The following NRXN3 variants were observed in gnomAD, a reference collection of about 807,000 sequenced individuals.
The protein encoded by NRXN3 is neurexin III.
In NRXN3, 32 loss-of-function variants were observed where a neutral mutation model predicts 137.6. The ratio of observed to expected loss-of-function variants is 0.23; its 90% CI spans 0.18 to 0.31. The LOEUF is 0.31. Among genes scored for constraint, NRXN3 ranks in the 10% least tolerant of loss-of-function variants. The pLI is 1.00. For synonymous variants in NRXN3, 798 were observed against 784.5 expected, an observed-to-expected ratio of 1.02 and a Z score of -0.29; for missense variants, 1,574 against 2,062.5, an observed-to-expected ratio of 0.76 and a Z score of 4.59.
chr14:79,422,595 T>A (rs906062754), intron 15 of NRXN3, among the ~76,000 whole-genome samples: 3 of 152,078 alleles, frequency 2.0e-5, no homozygotes, highest in Non-Finnish European at 4.4e-5. Context: ...GAAATAGATT[T>A]AGAAAGGTCA....
intron 15 of NRXN3, among the ~76,000 whole-genome samples, chr14:79,445,354 GAAAGAAAA>G (rs1300951504): frequency 6.6e-6 from 1 of 150,440 alleles, no homozygotes; most frequent in Non-Finnish European, 1.5e-5. Flanking sequence ...AAAAAAGAAA[GAAAGAAAA>G]AAAGAAAAAA....
chr14:78,859,017 T>G (rs936458805), intron 10 of NRXN3, among the ~76,000 whole-genome samples: 5 of 152,148 alleles, frequency 3.3e-5, no homozygotes, highest in Admixed American at 2.6e-4. Flanking sequence ...CTGTTATCCC[T>G]ATGTGTCAAG....
chr14:78,506,154 A>G lies in NRXN3; in HGVS notation c.758-138966A>G, dbSNP rs2095985953. Among the ~76,000 whole-genome samples the G allele has an allele frequency of 2.6e-5, 4 of 152,214 alleles. No individual in the cohort carries two copies. In the South Asian group the frequency reaches 8.3e-4, roughly 32 times the overall value. On this transcript the variant is annotated intron_variant, in intron 4 of 20. Coordinates refer to ENST00000335750, the MANE Select transcript of NRXN3 (RefSeq NM_001330195.2). ...CTCCCCTCCAGTCCCTGGAACTAACATTACACTCTCTGCTTCTATGAGTTT... is the reference window on the plus strand; with the variant it reads ...CTCCCCTCCAGTCCCTGGAACTAACGTTACACTCTCTGCTTCTATGAGTTT...
chr14:79,458,924 C>T (rs2096290476), intron 15 of NRXN3, among the ~76,000 whole-genome samples: 2 of 152,064 alleles, frequency 1.3e-5, no homozygotes, highest in African/African-American at 4.8e-5. Flanking sequence ...AAATGAGTAC[C>T]TCTATACTGC....
At chr14:78,171,143 C>G (rs1271613699) in intron 1 of NRXN3, among the ~76,000 whole-genome samples, 1 of 149,886 alleles carries the variant, frequency 6.7e-6, no homozygotes, top group African/African-American at 2.5e-5. Context: ...CTGAGGATCA[C>G]AAGAAAACAA....
At chr14:78,538,410 A>T (rs1039840896) in intron 4 of NRXN3, among the ~76,000 whole-genome samples, 2 of 151,916 alleles carry the variant, frequency 1.3e-5, no homozygotes, top group African/African-American at 4.8e-5. Flanking sequence ...TTTGGCTCTC[A>T]GTTTGTCTGT....
At chr14:79,775,673 G>A (rs1377562852) in intron 19 of NRXN3, among the ~76,000 whole-genome samples, 2 of 152,118 alleles carry the variant, frequency 1.3e-5, no homozygotes, top group Admixed American at 6.6e-5. Context: ...TAGGTCAGAA[G>A]TGGGGAGCAG....
chr14:79,117,135 A>T (rs899168019), intron 15 of NRXN3, among the ~76,000 whole-genome samples: 8 of 152,258 alleles, frequency 5.3e-5, no homozygotes, highest in African/African-American at 1.4e-4. Context: ...CTTGTCCTAC[A>T]GCTTACATTC....
At chr14:79,425,924 G>A (rs953297424) in intron 15 of NRXN3, among the ~76,000 whole-genome samples, 2 of 152,036 alleles carry the variant, frequency 1.3e-5, no homozygotes, top group African/African-American at 4.8e-5. Flanking sequence ...TGTATGTTCT[G>A]TAGAGGAAGA....
At chr14:79,691,630 C>T (rs1188775200) in intron 17 of NRXN3, among the ~76,000 whole-genome samples, 4 of 152,016 alleles carry the variant, frequency 2.6e-5, no homozygotes, top group South Asian at 4.1e-4. Context: ...TCTCCCTTGG[C>T]CATCAAGGCT....
chr14:78,385,037 T>C (rs1458275803), intron 4 of NRXN3, among the ~76,000 whole-genome samples: 1 of 152,334 alleles, frequency 6.6e-6, no homozygotes, highest in Non-Finnish European at 1.5e-5. Context: ...TATTAGTTAA[T>C]GGTTGTCCCA....
intron 7 of NRXN3, among the ~76,000 whole-genome samples, chr14:78,711,281 C>G (rs1038904387): frequency 6.6e-6 from 1 of 151,792 alleles, no homozygotes; most frequent in Non-Finnish European, 1.5e-5. Context: ...CTGTCTGTTC[C>G]TAATACAAAT....
At position 79,394,478 on chromosome 14, in the gene NRXN3, G is replaced by A. The variant is rs2094954977; in HGVS notation, c.3263-72743G>A. Among the ~76,000 whole-genome samples the A allele has an allele frequency of 3.9e-5, 6 of 152,104 alleles. No individual in the cohort carries two copies. The South Asian group carries it at 1.2e-3, about 32-fold the overall frequency. ...ATGGTAGACTAGCGTTTTTACTCAG[G>A]CAGTCTCAAGATAACATTTGTTGAG... On this transcript the variant is annotated intron_variant, in intron 15 of 20. Coordinates refer to ENST00000335750, the MANE Select transcript of NRXN3 (RefSeq NM_001330195.2).
At chr14:78,401,285 C>T (rs1314671992) in intron 4 of NRXN3, among the ~76,000 whole-genome samples, 1 of 152,152 alleles carries the variant, frequency 6.6e-6, no homozygotes, top group Non-Finnish European at 1.5e-5. Flanking sequence ...CTGCCTCAGC[C>T]TCCTGAGTAG....
At chr14:79,049,778 A>G (rs997547241) in intron 15 of NRXN3, among the ~76,000 whole-genome samples, 1 of 152,128 alleles carries the variant, frequency 6.6e-6, no homozygotes, top group African/African-American at 2.4e-5. Context: ...GATGAAATGA[A>G]GTGCAATAAG....
At chr14:78,694,662 T>G (rs1046202261) in intron 6 of NRXN3, among the ~76,000 whole-genome samples, 1 of 151,972 alleles carries the variant, frequency 6.6e-6, no homozygotes, top group Non-Finnish European at 1.5e-5. Context: ...CGATGAAGCT[T>G]GGGGTCAAAA....
intron 4 of NRXN3, among the ~76,000 whole-genome samples, chr14:78,356,608 C>G (rs1310706419): frequency 2.6e-5 from 4 of 152,208 alleles, no homozygotes; most frequent in African/African-American, 7.2e-5. Context: ...GGAAACCATT[C>G]CAGGCAGCCG....
intron 15 of NRXN3, among the ~76,000 whole-genome samples, chr14:79,088,551 A>ACTAGTT (rs375074641): frequency 7.1e-6 from 1 of 139,964 alleles, no homozygotes; most frequent in African/African-American, 3.3e-5. Context: ...AAGAAAAACA[A>ACTAGTT]ATTTCTTGGA....
At chr14:79,225,125 G>T (rs2070591055) in intron 15 of NRXN3, among the ~76,000 whole-genome samples, 1 of 152,160 alleles carries the variant, frequency 6.6e-6, no homozygotes, top group Admixed American at 6.6e-5. Flanking sequence ...GAAGCAGGGA[G>T]CCTAATGAGG....
Sources: allele counts gnomAD v4.1 joint callset (sites outside exome capture counted in the v4.1 genomes callset), GRCh38; gene constraint gnomAD v4.1.1; transcripts MANE v1.5; gene names NCBI Gene and HGNC (gene_info 2026-07-23, HGNC 2026-07-21).